The following HUS1 variants were observed in gnomAD, a reference collection of about 807,000 sequenced individuals.
HUS1 encodes HUS1 checkpoint clamp component, also known as checkpoint protein HUS1.
HUS1 carries 31 observed loss-of-function variants against 32.6 expected under a neutral mutation model. The ratio of observed to expected loss-of-function variants is 0.95; its 90% confidence interval spans 0.72 to 1.28. The LOEUF (loss-of-function observed/expected upper bound fraction) is 1.28. Among genes scored for constraint, HUS1 ranks in the 50% most tolerant of loss-of-function variants. The pLI is 0.00. For synonymous variants in HUS1, 123 were observed against 116.6 expected, an observed-to-expected ratio of 1.06 and a Z score of -0.36; for missense variants, 340 against 337.7, an observed-to-expected ratio of 1.01 and a Z score of -0.05.
chr7:47,969,260 C>G lies in HUS1; in HGVS notation c.599G>C (p.Cys200Ser), dbSNP rs763461631. 6.3e-7 allele frequency: 1 copy of G among 1,589,532 alleles called. No individual in the cohort carries two copies. ...AAGATCTTTAAAATGAGTTGTAACA[C>G]ATACTAATTCAGTTTCTATTTTCAA... ...LNLKIETELVCVTTHFKDLGN... is the reference protein window; with the variant it reads ...LNLKIETELVSVTTHFKDLGN... Residue 200 changes from cysteine (C) to serine (S), a missense_variant, in exon 6 of 8, where the codon TGT (cysteine) becomes TCT (serine). Physicochemically the swap from Cys to Ser is moderately radical, Grantham distance 112. Coordinates refer to ENST00000258774, the MANE Select transcript of HUS1 (RefSeq NM_004507.4).
In HUS1 at chr7:47,976,850, G is replaced by A. The variant is rs750659169; in HGVS notation, c.358-13C>T. On this transcript the variant is annotated splice_polypyrimidine_tract_variant and intron_variant, in intron 3 of 7. Transcript: ENST00000258774. Reference sequence around the variant, plus strand: ...TTGACATAGATAACTGCCAAGAAAAGAATTTAAAAATATTTTTATGTTGTT... The same window carrying A: ...TTGACATAGATAACTGCCAAGAAAAAAATTTAAAAATATTTTTATGTTGTT... 2 of 1,534,960 alleles carry A rather than the reference G, an allele frequency of 1.3e-6. No individual in the cohort carries two copies. Among genetic ancestry groups the A allele is most frequent in the South Asian group, 1.1e-5 (1 of 88,610 alleles).
In HUS1 at chr7:47,978,444, A is replaced by G; in HGVS notation, c.330T>C (p.Phe110=). ...GCTCCACGGAGACCGTGAGGCAGGG[A>G]AAGTGTTTATTAGTCAGTTTGATTT... is the stretch of plus-strand genomic sequence containing the variant. ...ALKIKLTNKH[F]PCLTVSVELL... The change falls in exon 3 of 8, where the codon TTT becomes TTC. Residue 110 remains phenylalanine (F), a synonymous_variant. Transcript: ENST00000258774. The G allele has an allele frequency of 6.2e-7, 1 of 1,614,190 alleles. No homozygotes were observed. The highest frequency in any genetic ancestry group is 1.1e-5 in the South Asian group (1 of 91,082).
intron 3 of HUS1, among the ~76,000 whole-genome samples, chr7:47,977,639 C>T (rs865805863): frequency 6.6e-6 from 1 of 152,192 alleles, no homozygotes; most frequent in Non-Finnish European, 1.5e-5. Flanking sequence ...TGCCTACAAT[C>T]GCAGCACTTT....
At chr7:47,971,816 C>T (rs372325920) in intron 5 of HUS1, among the ~76,000 whole-genome samples, 8 of 152,156 alleles carry the variant, frequency 5.3e-5, no homozygotes, top group Non-Finnish European at 8.8e-5. Flanking sequence ...TCTGTCTGCA[C>T]GGCTCTGTAT....
intron 3 of HUS1, among the ~76,000 whole-genome samples, chr7:47,977,511 T>C (rs1175235972): frequency 6.6e-6 from 1 of 152,168 alleles, no homozygotes; most frequent in South Asian, 2.1e-4. Context: ...CCTTAAGCAA[T>C]AGAAAAAACA....
rs755115657 is a variant in HUS1, at chr7:47,975,568, C to G, written c.540+45G>C. 10 of 1,307,542 alleles carry G rather than the reference C, an allele frequency of 7.6e-6. 1 individual carries two copies. The South Asian group carries it at 9.5e-5, about 12-fold the overall frequency. The allele number at this position is 1,307,542 out of a possible 1,614,324, so 81.0% of individuals were successfully genotyped here. On this transcript the variant is annotated intron_variant, in intron 5 of 7. Coordinates refer to ENST00000258774, the MANE Select transcript of HUS1 (RefSeq NM_004507.4). ...GGTGAGCTGGAGAACCCACGCCGTC[C>G]CACCAAATACTTCAGAGTTCTTTTC... is the stretch of plus-strand genomic sequence containing the variant.
At chr7:47,965,491 G>T in intron 7 of HUS1, 53 bp from the exon 8 acceptor site, 3 of 1,304,212 alleles carry the variant, frequency 2.3e-6, no homozygotes, top group South Asian at 2.4e-5. Flanking sequence ...CACACATTTT[G>T]ATCTCTACTT....
chr7:47,967,872 T>C lies in HUS1; in HGVS notation c.694A>G (p.Ile232Val). ...RNVEHMAEVH[I>V]DIRKLLQFLA... ...AACTGTAGGAGCTTCCTAATATCTA[T>C]GTGCACTTCAGCCATGTGTTCCACG... Residue 232 changes from isoleucine (I) to valine (V), a missense_variant, in exon 7 of 8, where the codon ATA (isoleucine) becomes GTA (valine). Ile to Val is a conservative substitution (Grantham distance 29). Coordinates refer to ENST00000258774, the MANE Select transcript of HUS1 (RefSeq NM_004507.4). 7 of 1,614,064 alleles carry C rather than the reference T, an allele frequency of 4.3e-6. No individual in the cohort carries two copies. Among genetic ancestry groups the C allele is most frequent in the South Asian group, 1.1e-5 (1 of 91,070 alleles).
At chr7:47,978,628 T>C in intron 2 of HUS1, 35 bp from the exon 3 acceptor site, 1 of 1,612,984 alleles carries the variant, frequency 6.2e-7, no homozygotes, top group Non-Finnish European at 8.5e-7. Context: ...AGGGAGGGTA[T>C]ATGTGATCTT....
At chr7:47,978,152 G>C in intron 3 of HUS1, 2 of 368,828 alleles carry the variant, frequency 5.4e-6, no homozygotes, top group Non-Finnish European at 9.8e-6. Context: ...TAGACAAGGT[G>C]ACAATACCAC....
At chr7:47,976,530 A>G (rs1788707905) in intron 4 of HUS1, 200 bp downstream of exon 4, 1 of 625,100 alleles carries the variant, frequency 1.6e-6, no homozygotes, top group African/African-American at 1.8e-5. Context: ...GACATTTTCT[A>G]CATATAGGAT....
At position 47,963,363 on chromosome 7, in the gene HUS1, A is replaced by G. The variant is rs925256205; in HGVS notation, c.*1993T>C. On this transcript the variant is annotated 3_prime_UTR_variant, in exon 8 of 8. Coordinates refer to ENST00000258774, the MANE Select transcript of HUS1 (RefSeq NM_004507.4). ...CTTAAGCCATTCATTAAAATCTTCA[A>G]AATTATATGTATTTGATAATAAACA... 6.6e-6 allele frequency: 1 copy of G among 152,240 alleles called. No homozygotes were observed. The highest frequency in any genetic ancestry group is 2.4e-5 in the African/African-American group (1 of 41,460). The allele number at this position is 152,240 out of a possible 1,614,324, so 9.4% of individuals were successfully genotyped here.
chr7:47,969,929 C>T (rs1788559929), intron 5 of HUS1, among the ~76,000 whole-genome samples: 2 of 152,110 alleles, frequency 1.3e-5, no homozygotes, highest in Admixed American at 1.3e-4. Flanking sequence ...ATGAAACTTC[C>T]TCCTAAAAGA....
chr7:47,974,320 G>A (rs952769938), intron 5 of HUS1, among the ~76,000 whole-genome samples: 2 of 151,296 alleles, frequency 1.3e-5, no homozygotes, highest in Admixed American at 6.6e-5. Context: ...AGAGATCTTA[G>A]CAGGTGATTT....
chr7:47,970,923 GAT>G (rs1423930754), intron 5 of HUS1, among the ~76,000 whole-genome samples: 2 of 152,224 alleles, frequency 1.3e-5, no homozygotes, highest in African/African-American at 4.8e-5. Flanking sequence ...CTTCTTGAGT[GAT>G]ATGCTAGAGA....
intron 5 of HUS1, among the ~76,000 whole-genome samples, chr7:47,969,688 G>A (rs1197414360): frequency 6.6e-6 from 1 of 152,132 alleles, no homozygotes; most frequent in Non-Finnish European, 1.5e-5. Context: ...GCAGGAGAGA[G>A]TCCTGCACTG....
chr7:47,974,531 A>AGGGTGTGGCAATACAACAG (rs1438995933), intron 5 of HUS1, among the ~76,000 whole-genome samples: 14 of 152,174 alleles, frequency 9.2e-5, no homozygotes, highest in African/African-American at 3.4e-4. Context: ...TTCTGCAGGG[A>AGGGTGTGGCAATACAACAG]GGGTGTGGCA....
intron 7 of HUS1, 40 bp from the exon 8 acceptor site, chr7:47,965,478 G>T: frequency 7.2e-7 from 1 of 1,391,366 alleles, no homozygotes; most frequent in Non-Finnish European, 1.0e-6. Context: ...ACCTAGTGCA[G>T]CACACACATT....
chr7:47,970,157 C>G (rs1381356946), intron 5 of HUS1, among the ~76,000 whole-genome samples: 2 of 135,484 alleles, frequency 1.5e-5, no homozygotes, highest in African/African-American at 2.7e-5. Context: ...GGCATGAACC[C>G]GGGAGGCGGA....
Sources: gnomAD v4.1 joint callset for allele counts (sites outside exome capture counted in the v4.1 genomes callset) on GRCh38, gnomAD v4.1.1 for gene constraint, MANE v1.5 for transcripts, NCBI Gene and HGNC (gene_info 2026-07-23, HGNC 2026-07-21) for gene names.